BIVM: variants seen among roughly 807,000 people sequenced by gnomAD.
BIVM encodes basic, immunoglobulin-like variable motif containing, also known as basic immunoglobulin-like variable motif-containing protein.
BIVM carries 31 observed loss-of-function variants against 61.4 expected under a neutral mutation model. The observed-to-expected ratio is 0.51, with a 90% confidence interval of 0.38 to 0.68. The LOEUF (loss-of-function observed/expected upper bound fraction) is 0.68, where lower values mean the gene tolerates loss of function less well. BIVM is among the 30% of genes least tolerant of loss of function. The pLI, the probability that BIVM is intolerant of heterozygous loss-of-function variation, is 0.00. For missense variants in BIVM, 526 were observed against 596.0 expected (o/e 0.88, Z 1.22); for synonymous variants, 189 against 210.7 (o/e 0.90, Z 0.89).
chr13:102,808,953 A>C (rs1879296140), intron 3 of BIVM, among the ~76,000 whole-genome samples: 1 of 152,104 alleles, frequency 6.6e-6, no homozygotes, highest in South Asian at 2.1e-4. Context: ...CAATCTAGCT[A>C]GGAGTTTATC....
At chr13:102,817,992 A>G (rs919819847) in intron 4 of BIVM, among the ~76,000 whole-genome samples, 1 of 152,202 alleles carries the variant, frequency 6.6e-6, no homozygotes, top group Admixed American at 6.5e-5. Flanking sequence ...TGAGGGGACT[A>G]AACAGAAAAA....
intron 9 of BIVM, among the ~76,000 whole-genome samples, chr13:102,838,076 A>G (rs1881606834): frequency 6.6e-6 from 1 of 152,238 alleles, no homozygotes; most frequent in African/African-American, 2.4e-5. Context: ...ATATTGCAAT[A>G]AAAAGGTTTT....
In BIVM at chr13:102,839,997, A is replaced by G; in HGVS notation, c.*132A>G. The G allele has an allele frequency of 2.1e-6, 2 of 940,676 alleles. No homozygotes were observed. Among genetic ancestry groups the G allele is most frequent in the Non-Finnish European group, 3.1e-6 (2 of 635,366 alleles). The allele number at this position is 940,676 out of a possible 1,614,324, so 58.3% of individuals were successfully genotyped here. On this transcript the variant is annotated 3_prime_UTR_variant, in exon 11 of 11. Transcript: ENST00000257336. ...CTTGTGGTATAAAAAATAACCTTGTAGTTCTCCAGATACTAAGCTTGTATA... is the reference window on the plus strand; with the variant it reads ...CTTGTGGTATAAAAAATAACCTTGTGGTTCTCCAGATACTAAGCTTGTATA...
In BIVM at chr13:102,807,092, G is replaced by A. The variant is rs1452624860; in HGVS notation, c.-122-54G>A. On this transcript the variant is annotated intron_variant, in intron 2 of 10. Coordinates refer to ENST00000257336, the MANE Select transcript of BIVM (RefSeq NM_017693.4). The surrounding 1 kb of genome is among the most constrained non-coding windows in gnomAD (Gnocchi z 4.0). Reference sequence around the variant, plus strand: ...TGCATAAAACTTGCTATGCTTTTTAGTGGCTCTTTGTGTATCTGGTGGATT... The same window carrying A: ...TGCATAAAACTTGCTATGCTTTTTAATGGCTCTTTGTGTATCTGGTGGATT... The A allele has an allele frequency of 3.3e-6, 2 of 604,744 alleles. No individual in the cohort carries two copies. The highest frequency in any genetic ancestry group is 2.7e-6 in the Non-Finnish European group (1 of 366,574). 37.5% of individuals were successfully genotyped at this position (604,744 alleles called of 1,614,324 possible). A position where few individuals can be genotyped will look rare whatever the true frequency, so the allele number is the denominator to read the frequency against.
intron 3 of BIVM, among the ~76,000 whole-genome samples, chr13:102,815,273 A>C (rs1281892736): frequency 6.6e-6 from 1 of 152,164 alleles, no homozygotes; most frequent in Non-Finnish European, 1.5e-5. Context: ...ATATGTATAT[A>C]ATCTATTTTA....
At chr13:102,800,024 G>C (rs938313479) in intron 1 of BIVM, among the ~76,000 whole-genome samples, 9 of 152,190 alleles carry the variant, frequency 5.9e-5, no homozygotes, top group African/African-American at 2.2e-4. Context: ...TTGGCAGTCG[G>C]ACCCGGAGCC....
chr13:102,833,326 G>GTTTTTTTTTTTTTT, intron 8 of BIVM, among the ~76,000 whole-genome samples: 2 of 26,938 alleles, frequency 7.4e-5, no homozygotes, highest in Non-Finnish European at 1.7e-4. Flanking sequence ...GGATAGGATG[G>GTTTTTTTTTTTTTT]GTTTTTTTTT....
intron 3 of BIVM, among the ~76,000 whole-genome samples, chr13:102,816,108 C>T (rs1879851988): frequency 6.6e-6 from 1 of 152,114 alleles, no homozygotes. Flanking sequence ...ATTGACTGTT[C>T]CACCAGCTAA....
chr13:102,803,048 C>CATGGAGCCTGTA (rs1228300121), intron 1 of BIVM, among the ~76,000 whole-genome samples: 1 of 151,330 alleles, frequency 6.6e-6, no homozygotes, highest in East Asian at 1.9e-4. Flanking sequence ...CATGGCTGGG[C>CATGGAGCCTGTA]ATGGTGGCTT....
intron 4 of BIVM, among the ~76,000 whole-genome samples, chr13:102,818,809 G>A (rs1333966184): frequency 6.6e-6 from 1 of 152,152 alleles, no homozygotes; most frequent in African/African-American, 2.4e-5. Context: ...TGATGAAAAA[G>A]TATGAAAAAT....
chr13:102,801,965 G>T (rs137959652), intron 1 of BIVM, among the ~76,000 whole-genome samples: 4 of 152,148 alleles, frequency 2.6e-5, no homozygotes, highest in Admixed American at 6.5e-5. Context: ...GTGGAGCTTG[G>T]GGGGTGGGGG....
intron 8 of BIVM, 55 bp from the exon 9 acceptor site, chr13:102,834,411 C>G: frequency 1.4e-6 from 2 of 1,467,954 alleles, no homozygotes; most frequent in Non-Finnish European, 1.8e-6. Flanking sequence ...ATATTTGAAG[C>G]AATATACTCA....
chr13:102,822,286 C>G, intron 7 of BIVM, 127 bp downstream of exon 7: 1 of 836,434 alleles, frequency 1.2e-6, no homozygotes, highest in East Asian at 2.7e-5. Context: ...TGTAAACCCT[C>G]AGCACAGTCT....
intron 1 of BIVM, among the ~76,000 whole-genome samples, chr13:102,804,823 C>T (rs1878961779): frequency 2.6e-5 from 4 of 152,158 alleles, no homozygotes; most frequent in African/African-American, 9.7e-5. Context: ...GGAATTTTGC[C>T]TAGCATATGT....
chr13:102,823,987 A>G (rs34871731), intron 7 of BIVM, among the ~76,000 whole-genome samples: 11,489 of 152,268 alleles, frequency 0.075, 502 homozygotes, highest in Middle Eastern at 0.17. Flanking sequence ...AAGAAAATGC[A>G]TAATTTGGCA....
intron 1 of BIVM, among the ~76,000 whole-genome samples, chr13:102,804,322 T>C (rs950083289): frequency 4.0e-5 from 6 of 150,600 alleles, no homozygotes; most frequent in Non-Finnish European, 8.9e-5. Context: ...ATTTTTATCT[T>C]TTTTTTGAGA....
In BIVM at chr13:102,821,063, A is replaced by G; in HGVS notation, c.632A>G (p.Lys211Arg). ...TACTGCATAAGCCGACCACAGTATA[A>G]GACTTCTTGTGGCATCTCTTCATTA... ...RWYCISRPQY[K>R]TSCGISSLIS... The change falls in exon 5 of 11, where the codon AAG becomes AGG. Residue 211 changes from lysine (K) to arginine (R), a missense_variant. Physicochemically the swap from Lys to Arg is conservative, Grantham distance 26 (BLOSUM62 2). Transcript: ENST00000257336. The G allele has an allele frequency of 7.4e-6, 12 of 1,613,574 alleles. No homozygotes were observed. The highest frequency in any genetic ancestry group is 1.0e-5 in the Non-Finnish European group (12 of 1,179,876).
At chr13:102,814,615 T>C (rs1879739896) in intron 3 of BIVM, among the ~76,000 whole-genome samples, 1 of 152,196 alleles carries the variant, frequency 6.6e-6, no homozygotes, top group Non-Finnish European at 1.5e-5. Context: ...AAACTAATTC[T>C]TCTGTTATCT....
At chr13:102,821,424 A>C (rs184298809) in intron 5 of BIVM, among the ~76,000 whole-genome samples, 2,647 of 152,032 alleles carry the variant, frequency 0.017, 36 homozygotes, top group Non-Finnish European at 0.03. Context: ...GCAAGACCCC[A>C]CCTCTACAAA....
Sources: allele counts gnomAD v4.1 joint callset (sites outside exome capture counted in the v4.1 genomes callset), GRCh38; gene constraint gnomAD v4.1.1; non-coding constraint Gnocchi (gnomAD v3.1); transcripts MANE v1.5; gene names NCBI Gene and HGNC (gene_info 2026-07-23, HGNC 2026-07-21).